The following SPOCK3 variants were observed in gnomAD, a reference collection of about 807,000 sequenced individuals.
The protein encoded by SPOCK3 is testican-3.
Under a neutral mutation model 56.6 loss-of-function variants are expected in SPOCK3, and 30 were observed. The observed-to-expected ratio is 0.53, with a 90% CI of 0.40 to 0.72. The LOEUF is 0.72. Among genes scored for constraint, SPOCK3 ranks in the 30% least tolerant of loss-of-function variants. The probability of loss-of-function intolerance (pLI) is 0.00; values close to 1 mark genes in which losing one functional copy is unlikely to be tolerated. For missense variants in SPOCK3, 527 were observed against 530.0 expected (o/e 0.99, Z 0.06); for synonymous variants, 196 against 183.3 (o/e 1.07, Z -0.56).
At chr4:167,222,076 A>G (rs1735974694) in intron 2 of SPOCK3, among the ~76,000 whole-genome samples, 1 of 152,172 alleles carries the variant, frequency 6.6e-6, no homozygotes, top group Admixed American at 6.6e-5. Context: ...ATTGACAGAT[A>G]AGTGGACAAA....
chr4:166,787,490 A>G (rs1158122647), intron 7 of SPOCK3, among the ~76,000 whole-genome samples: 1 of 152,194 alleles, frequency 6.6e-6, no homozygotes, highest in African/African-American at 2.4e-5. Flanking sequence ...CTATTCAAGA[A>G]TATATAGTTC....
At chr4:167,055,609 C>T (rs1294890397) in intron 3 of SPOCK3, among the ~76,000 whole-genome samples, 1 of 152,194 alleles carries the variant, frequency 6.6e-6, no homozygotes, top group East Asian at 1.9e-4. Flanking sequence ...GAATACTGCG[C>T]TTTTCCAACG....
In SPOCK3 at chr4:167,215,139, G is replaced by C. The variant is rs992561779; in HGVS notation, c.189+18846C>G. 2.6e-5 allele frequency among the ~76,000 whole-genome samples: 4 copies of C among 151,898 alleles called. No individual in the cohort carries two copies. In the South Asian group the frequency reaches 6.2e-4, roughly 24 times the overall value. On this transcript the variant is annotated intron_variant, in intron 2 of 10. Transcript: ENST00000357545. ...ATGAATATGTGCTCCGTAACTACCA[G>C]GATCAATAGAAAATTTCTACAGAAG...
rs1242444953 is a variant in SPOCK3, at chr4:167,109,357, T to A, written c.190-46820A>T. Among the ~76,000 whole-genome samples the A allele has an allele frequency of 1.9e-3, 71 of 37,744 alleles. 1 individual carries two copies. The highest frequency in any genetic ancestry group is 0.053 in the Middle Eastern group (2 of 38). The allele number at this position is 37,744 out of a possible 152,430, so 24.8% of individuals were successfully genotyped here. ...TTAATATTATATAATAAAATAAATATATATTTATATATATATTTATATAAA... is the reference window on the plus strand; with the variant it reads ...TTAATATTATATAATAAAATAAATAAATATTTATATATATATTTATATAAA... On this transcript the variant is annotated intron_variant, in intron 2 of 10. Coordinates refer to ENST00000357545, the MANE Select transcript of SPOCK3 (RefSeq NM_001040159.2).
At chr4:166,955,687 TAATA>T (rs1007233172) in intron 4 of SPOCK3, among the ~76,000 whole-genome samples, 73 of 148,060 alleles carry the variant, frequency 4.9e-4, no homozygotes, top group African/African-American at 1.7e-3. Flanking sequence ...TATAAATTAT[TAATA>T]AAGTTTTCTT....
At position 167,101,489 on chromosome 4, in the gene SPOCK3, T is replaced by C. The variant is rs558674345; in HGVS notation, c.190-38952A>G. ...TGTCCTCTTCTTCAATGTATGGTTC[T>C]CTACATACCTCAGAAACTCACATGA... On this transcript the variant is annotated intron_variant, in intron 2 of 10. Transcript: ENST00000357545. Among the ~76,000 whole-genome samples, 3 of 152,144 alleles carry C rather than the reference T, an allele frequency of 2.0e-5. No homozygotes were observed. In the East Asian group the frequency reaches 5.8e-4, roughly 30 times the overall value.
intron 2 of SPOCK3, among the ~76,000 whole-genome samples, chr4:167,214,798 G>A (rs1735203732): frequency 1.3e-5 from 2 of 151,926 alleles, no homozygotes; most frequent in African/African-American, 4.8e-5. Context: ...AAGATGCAGT[G>A]AGAACCCTTT....
In SPOCK3 at chr4:167,205,566, T is replaced by TATATAATATATTATATA. The variant is rs1491312758; in HGVS notation, c.189+28418_189+28419insTATATAATATATTATAT. Among the ~76,000 whole-genome samples the TATATAATATATTATATA allele has an allele frequency of 2.6e-3, 199 of 76,552 alleles. 1 individual carries two copies. The highest frequency in any genetic ancestry group is 3.2e-3 in the Non-Finnish European group (137 of 42,448). 50.2% of individuals were successfully genotyped at this position (76,552 alleles called of 152,430 possible). On this transcript the variant is annotated intron_variant, in intron 2 of 10. Coordinates refer to ENST00000357545, the MANE Select transcript of SPOCK3 (RefSeq NM_001040159.2). Reference sequence around the variant, plus strand: ...ATATTATATAATATATAATATATATTATATATATAATATAATATAAAATAT... The same window carrying TATATAATATATTATATA: ...ATATTATATAATATATAATATATATTATATAATATATTATATAATATATATAATATAATATAAAATAT...
intron 6 of SPOCK3, among the ~76,000 whole-genome samples, chr4:166,837,165 T>A (rs1746704483): frequency 6.6e-6 from 1 of 152,214 alleles, no homozygotes. Flanking sequence ...TCTTTAAAGA[T>A]TGGGAAGTCT....
At chr4:166,858,840 A>G (rs1730948720) in intron 6 of SPOCK3, among the ~76,000 whole-genome samples, 2 of 152,096 alleles carry the variant, frequency 1.3e-5, no homozygotes, top group African/African-American at 4.8e-5. Flanking sequence ...TTTCATTGTG[A>G]GCAGAAATAA....
chr4:166,874,052 T>C (rs76602213), intron 6 of SPOCK3, among the ~76,000 whole-genome samples: 1,734 of 152,252 alleles, frequency 0.011, 43 homozygotes, highest in African/African-American at 0.038. Context: ...TCTTGGGAGA[T>C]TGAAGTAGTG....
chr4:167,159,930 T>A (rs1408476013), intron 2 of SPOCK3, among the ~76,000 whole-genome samples: 1 of 152,040 alleles, frequency 6.6e-6, no homozygotes, highest in Non-Finnish European at 1.5e-5. Flanking sequence ...CTACAGCCAA[T>A]ATCATACTGA....
chr4:166,844,188 C>T (rs1747813445), intron 6 of SPOCK3, among the ~76,000 whole-genome samples: 1 of 152,156 alleles, frequency 6.6e-6, no homozygotes, highest in South Asian at 2.1e-4. Flanking sequence ...ACAAAAGGTA[C>T]CAGAATGGCT....
rs182918291 is a variant in SPOCK3, at chr4:166,914,859, T to C, written c.351-2116A>G. Among the ~76,000 whole-genome samples, 274 of 152,284 alleles carry C rather than the reference T, an allele frequency of 1.8e-3. 1 individual carries two copies. The highest frequency in any genetic ancestry group is 6.4e-3 in the African/African-American group (266 of 41,562). ...AATTGTAATGTACTTGTAAAATAGA[T>C]TTTGAAGTAAAACAAGATTAGTTGT... On this transcript the variant is annotated intron_variant, in intron 4 of 10. Transcript: ENST00000357545.
chr4:166,975,604 T>C (rs915601451), intron 4 of SPOCK3, among the ~76,000 whole-genome samples: 2 of 152,204 alleles, frequency 1.3e-5, no homozygotes, highest in Admixed American at 6.5e-5. Flanking sequence ...TTATATATTC[T>C]ATCTAACTGT....
chr4:166,952,845 A>G (rs1409474075), intron 4 of SPOCK3, among the ~76,000 whole-genome samples: 21 of 152,064 alleles, frequency 1.4e-4, no homozygotes, highest in Admixed American at 1.4e-3. Context: ...AGGATTCCCT[A>G]TTTAATAAAT....
intron 7 of SPOCK3, among the ~76,000 whole-genome samples, chr4:166,764,281 G>A (rs1035139510): frequency 1.3e-5 from 2 of 151,982 alleles, no homozygotes; most frequent in Admixed American, 6.6e-5. Flanking sequence ...ATGTTGGTGT[G>A]CGGCACCCAT....
intron 2 of SPOCK3, among the ~76,000 whole-genome samples, chr4:167,093,664 G>A (rs1758903901): frequency 6.6e-6 from 1 of 152,184 alleles, no homozygotes. Context: ...TGGTGTATAT[G>A]TGCCACATTT....
intron 2 of SPOCK3, among the ~76,000 whole-genome samples, chr4:167,177,620 G>A (rs1731100717): frequency 6.6e-6 from 1 of 152,070 alleles, no homozygotes; most frequent in Non-Finnish European, 1.5e-5. Flanking sequence ...ATAAGTCTAT[G>A]ATTAGGTATA....
Sources: gnomAD v4.1 joint callset for allele counts (sites outside exome capture counted in the v4.1 genomes callset) on GRCh38, gnomAD v4.1.1 for gene constraint, MANE v1.5 for transcripts, NCBI Gene and HGNC (gene_info 2026-07-23, HGNC 2026-07-21) for gene names.